Variants in SGCZ observed in about 807,000 individuals in gnomAD.
SGCZ encodes the protein zeta-sarcoglycan.
A neutral mutation model predicts 41.3 loss-of-function variants in SGCZ; 40 were observed. That is an observed-to-expected ratio of 0.97 (90% CI 0.75 to 1.26). The LOEUF is 1.26. Among genes scored for constraint, SGCZ ranks in the 50% most tolerant of loss-of-function variants. The probability of loss-of-function intolerance (pLI) is 0.00; values close to 1 mark genes in which losing one functional copy is unlikely to be tolerated. For synonymous variants in SGCZ, 206 were observed against 137.5 expected (o/e 1.50, Z -3.49); for missense variants, 552 against 369.8 (o/e 1.49, Z -4.04).
chr8:14,819,112 A>G (rs1801992077), intron 1 of SGCZ, among the ~76,000 whole-genome samples: 1 of 148,512 alleles, frequency 6.7e-6, no homozygotes, highest in Non-Finnish European at 1.5e-5. Flanking sequence ...CAAACTCTCA[A>G]AAGTAAAAGA....
chr8:14,362,884 T>C (rs1803576254), intron 2 of SGCZ, among the ~76,000 whole-genome samples: 1 of 152,210 alleles, frequency 6.6e-6, no homozygotes, highest in Non-Finnish European at 1.5e-5. Flanking sequence ...TATATGCAAA[T>C]ATAGTATTAT....
At chr8:15,094,146 T>G (rs1043323462) in intron 1 of SGCZ, among the ~76,000 whole-genome samples, 1 of 152,132 alleles carries the variant, frequency 6.6e-6, no homozygotes, top group East Asian at 1.9e-4. Context: ...TTTAAATTTT[T>G]TTTTTTGAGA....
chr8:14,161,789 T>G (rs570336073), intron 5 of SGCZ, among the ~76,000 whole-genome samples: 1 of 152,256 alleles, frequency 6.6e-6, no homozygotes, highest in Non-Finnish European at 1.5e-5. Context: ...ACTATGTGCA[T>G]ATATTTGAGA....
intron 2 of SGCZ, among the ~76,000 whole-genome samples, chr8:14,533,981 G>A (rs1031974043): frequency 3.3e-5 from 5 of 151,898 alleles, no homozygotes; most frequent in East Asian, 1.9e-4. Flanking sequence ...ACGTGACACA[G>A]CAGCAAGGCT....
chr8:14,584,736 A>G (rs1805005101), intron 1 of SGCZ, among the ~76,000 whole-genome samples: 1 of 152,216 alleles, frequency 6.6e-6, no homozygotes, highest in Non-Finnish European at 1.5e-5. Context: ...TTACACATAA[A>G]GAAGGGAAAA....
At chr8:14,499,774 T>C (rs13279457) in intron 2 of SGCZ, among the ~76,000 whole-genome samples, 28,597 of 151,972 alleles carry the variant, frequency 0.19, 3,234 homozygotes, top group Admixed American at 0.26. Context: ...TATATAGATA[T>C]ATATCAACTG....
chr8:14,287,012 TGA>T (rs1265613807), intron 3 of SGCZ, among the ~76,000 whole-genome samples: 2 of 152,034 alleles, frequency 1.3e-5, no homozygotes, highest in African/African-American at 4.8e-5. Flanking sequence ...GCCATGTTTT[TGA>T]GAGTTATCTG....
At chr8:14,480,444 C>T (rs1801504036) in intron 2 of SGCZ, among the ~76,000 whole-genome samples, 1 of 152,060 alleles carries the variant, frequency 6.6e-6, no homozygotes, top group South Asian at 2.1e-4. Flanking sequence ...TTGAAGTTTC[C>T]TAAATTTCTC....
intron 1 of SGCZ, among the ~76,000 whole-genome samples, chr8:15,126,370 A>G (rs1807680285): frequency 6.6e-6 from 1 of 152,198 alleles, no homozygotes; most frequent in African/African-American, 2.4e-5. Flanking sequence ...TATTCCATAG[A>G]AAAAGATTTT....
At chr8:14,394,566 C>T (rs561485212) in intron 2 of SGCZ, among the ~76,000 whole-genome samples, 3 of 152,240 alleles carry the variant, frequency 2.0e-5, no homozygotes, top group Admixed American at 1.3e-4. Flanking sequence ...GTTGGTTTTA[C>T]GAGCCTTTTC....
At chr8:14,732,064 G>C (rs759032735) in intron 1 of SGCZ, among the ~76,000 whole-genome samples, 11 of 152,182 alleles carry the variant, frequency 7.2e-5, no homozygotes, top group Non-Finnish European at 1.6e-4. Context: ...TTTCTCTTTA[G>C]AAATAATATT....
chr8:15,231,771 A>G (rs970981082), intron 1 of SGCZ, among the ~76,000 whole-genome samples: 1 of 151,628 alleles, frequency 6.6e-6, no homozygotes, highest in African/African-American at 2.4e-5. Flanking sequence ...ACAGAAGCAC[A>G]CCACCACATT....
In SGCZ at chr8:14,505,892, C is replaced by T. The variant is rs1235860906; in HGVS notation, c.234+48840G>A. 3.3e-5 allele frequency among the ~76,000 whole-genome samples: 5 copies of T among 152,258 alleles called. No individual in the cohort carries two copies. In the South Asian group the frequency reaches 8.3e-4, roughly 25 times the overall value. ...ACTCGGCAATCTGTGTTTTAGCAAG[C>T]TCTTCAGGTGATTCGAACGCAAGCT... On this transcript the variant is annotated intron_variant, in intron 2 of 7. Transcript: ENST00000382080.
intron 7 of SGCZ, among the ~76,000 whole-genome samples, chr8:14,099,934 C>G (rs992485450): frequency 6.6e-6 from 1 of 151,910 alleles, no homozygotes; most frequent in Non-Finnish European, 1.5e-5. Context: ...CAATTTCATT[C>G]TTCTACATTT....
Position 14,550,298 on chromosome 8 carries a change from A to G in SGCZ, c.234+4434T>C, listed in dbSNP as rs141262982. On this transcript the variant is annotated intron_variant, in intron 2 of 7. Transcript: ENST00000382080. ...ATGGTTGAATTGTATACAAATATGC[A>G]TATACATGCATACAAATATTTATAT... Among the ~76,000 whole-genome samples the G allele has an allele frequency of 6.7e-3, 1,014 of 151,038 alleles. 10 individuals carry two copies. Among genetic ancestry groups the G allele is most frequent in the African/African-American group, 0.024 (975 of 41,352 alleles).
chr8:14,256,351 G>C (rs887219349), intron 3 of SGCZ, among the ~76,000 whole-genome samples: 2 of 151,602 alleles, frequency 1.3e-5, no homozygotes. Context: ...CTCAGAAAAA[G>C]TGCACTTTAA....
intron 2 of SGCZ, among the ~76,000 whole-genome samples, chr8:14,461,131 C>T (rs1014243869): frequency 3.3e-5 from 5 of 152,090 alleles, no homozygotes; most frequent in Non-Finnish European, 7.4e-5. Context: ...GGTTCCTTCG[C>T]AGGGCTGCTG....
Position 14,090,529 on chromosome 8 carries a change from C to T in SGCZ, c.853G>A (p.Val285Ile), listed in dbSNP as rs139184216. ...AGGTAAAGTTTGCCATTGGGGCAGA[C>T]GCAGAGTTCATACACTGTCTGTCGA... ...SSRQTVYELCVCPNGKLYLSP... is the reference protein window; with the variant it reads ...SSRQTVYELCICPNGKLYLSP... The change falls in exon 8 of 8, where the codon GTC becomes ATC. Residue 285 changes from valine to isoleucine, a missense_variant. Transcript: ENST00000382080. 4.2e-5 allele frequency: 68 copies of T among 1,613,020 alleles called. No homozygotes were observed. The Middle Eastern group carries it at 6.7e-4, about 16-fold the overall frequency.
intron 1 of SGCZ, among the ~76,000 whole-genome samples, chr8:15,010,581 G>C (rs1056339972): frequency 1.3e-5 from 2 of 152,080 alleles, no homozygotes; most frequent in African/African-American, 4.8e-5. Context: ...CTAATCATGC[G>C]CTTAGACAAT....
Sources: allele counts gnomAD v4.1 joint callset (sites outside exome capture counted in the v4.1 genomes callset), GRCh38; gene constraint gnomAD v4.1.1; transcripts MANE v1.5; gene names NCBI Gene and HGNC (gene_info 2026-07-23, HGNC 2026-07-21).